The following CDH3 variants were observed in gnomAD, a reference collection of about 807,000 sequenced individuals.
CDH3 encodes the protein cadherin 3.
Under a neutral mutation model 82.0 loss-of-function variants are expected in CDH3, and 54 were observed. That is an observed-to-expected ratio of 0.66 (90% confidence interval 0.53 to 0.83). The LOEUF (loss-of-function observed/expected upper bound fraction) is 0.83, where lower values mean the gene tolerates loss of function less well. CDH3 is among the 40% of genes least tolerant of loss of function. CDH3 has a pLI of 0.00. For missense variants in CDH3, 1,054 were observed against 1,084.6 expected (o/e 0.97, Z 0.40); for synonymous variants, 446 against 437.9 (o/e 1.02, Z -0.23).
At position 68,680,013 on chromosome 16, in the gene CDH3, T is replaced by C. The variant is rs781377202; in HGVS notation, c.867+39T>C. 3 of 1,589,736 alleles carry C rather than the reference T, an allele frequency of 1.9e-6. No homozygotes were observed. The East Asian group carries it at 6.7e-5, about 36-fold the overall frequency. ...AGGGAAAGTACTGCCTACCCAGACT[T>C]GCCCAGGCTGGGAACTGACTCTGAG... On this transcript the variant is annotated intron_variant, in intron 7 of 15. Transcript: ENST00000264012.
At chr16:68,658,433 G>GT (rs1356030092) in intron 2 of CDH3, among the ~76,000 whole-genome samples, 1 of 152,146 alleles carries the variant, frequency 6.6e-6, no homozygotes, top group Non-Finnish European at 1.5e-5. Context: ...TAACTTCCCT[G>GT]TGCGTGCATG....
At chr16:68,662,544 C>CTTTTTTT (rs34173111) in intron 2 of CDH3, among the ~76,000 whole-genome samples, 1 of 94,030 alleles carries the variant, frequency 1.1e-5, no homozygotes, top group Non-Finnish European at 2.1e-5. Flanking sequence ...TGAAGCCAGC[C>CTTTTTTT]TTTTTTTTTT....
intron 2 of CDH3, among the ~76,000 whole-genome samples, chr16:68,664,548 A>G (rs1406076233): frequency 2.0e-5 from 3 of 152,188 alleles, no homozygotes; most frequent in Non-Finnish European, 4.4e-5. Flanking sequence ...TCTATCAGCT[A>G]TGTTTGGGAA....
rs1271250481 is a variant in CDH3, at chr16:68,645,368, C to G, written c.-12C>G. 3 of 1,612,844 alleles carry G rather than the reference C, an allele frequency of 1.9e-6. No homozygotes were observed. The highest frequency in any genetic ancestry group is 2.5e-6 in the Non-Finnish European group (3 of 1,179,510). Reference sequence around the variant, plus strand: ...CCGTCGCGGCAGCTGCTTCACCCCTCTCTCTGCAGCCATGGGGCTCCCTCG... The same window carrying G: ...CCGTCGCGGCAGCTGCTTCACCCCTGTCTCTGCAGCCATGGGGCTCCCTCG... On this transcript the variant is annotated 5_prime_UTR_variant, in exon 1 of 16. Transcript: ENST00000264012.
At chr16:68,711,316 A>T (rs1321434706) in intron 1 of CDH3, among the ~76,000 whole-genome samples, 1 of 152,074 alleles carries the variant, frequency 6.6e-6, no homozygotes, top group East Asian at 1.9e-4. Flanking sequence ...GCAGAGAGAG[A>T]GAGAGGGAGA....
chr16:68,694,628 A>G (rs912598164), intron 13 of CDH3, among the ~76,000 whole-genome samples: 2 of 151,942 alleles, frequency 1.3e-5, no homozygotes, highest in African/African-American at 2.4e-5. Context: ...GTCTCAAAAA[A>G]AAAAAAAAAA....
At chr16:68,656,461 C>T (rs1454931327) in intron 2 of CDH3, among the ~76,000 whole-genome samples, 1 of 152,172 alleles carries the variant, frequency 6.6e-6, no homozygotes, top group Non-Finnish European at 1.5e-5. Flanking sequence ...ACCCAGATAC[C>T]ACCTAATAGC....
chr16:68,728,055 A>G (rs565240316), downstream of CDH3, among the ~76,000 whole-genome samples: 1 of 152,336 alleles, frequency 6.6e-6, no homozygotes, highest in East Asian at 1.9e-4. Context: ...TTATAATGCA[A>G]TTATTGGCAT....
downstream of CDH3, among the ~76,000 whole-genome samples, chr16:68,728,816 C>G (rs201647681): frequency 1.3e-5 from 2 of 152,088 alleles, no homozygotes; most frequent in East Asian, 3.8e-4. Context: ...GCTTAGCATC[C>G]TGAAAGTGAA....
At chr16:68,670,146 C>T (rs1249315159) in intron 2 of CDH3, among the ~76,000 whole-genome samples, 1 of 147,046 alleles carries the variant, frequency 6.8e-6, no homozygotes, top group African/African-American at 2.5e-5. Flanking sequence ...ATGACGTGAA[C>T]CTAGAAGGCG....
At chr16:68,657,998 A>G (rs1960450392) in intron 2 of CDH3, among the ~76,000 whole-genome samples, 1 of 151,990 alleles carries the variant, frequency 6.6e-6, no homozygotes, top group Admixed American at 6.6e-5. Flanking sequence ...CATCTTTCTA[A>G]GAAGTCTCCT....
At chr16:68,711,909 C>T (rs1432520559) in intron 1 of CDH3, among the ~76,000 whole-genome samples, 2 of 152,062 alleles carry the variant, frequency 1.3e-5, no homozygotes, top group Admixed American at 1.3e-4. Context: ...GGAGGAGCAG[C>T]CAGTGCTCCC....
chr16:68,710,069 G>C (rs555721491), intron 1 of CDH3, among the ~76,000 whole-genome samples: 110 of 152,348 alleles, frequency 7.2e-4, no homozygotes, highest in African/African-American at 2.6e-3. Context: ...CTGTGTTCTG[G>C]ATTAGGTTGG....
At chr16:68,664,761 T>TGATCCTCCCACCTCAGCC (rs1960688969) in intron 2 of CDH3, among the ~76,000 whole-genome samples, 3 of 152,024 alleles carry the variant, frequency 2.0e-5, no homozygotes, top group African/African-American at 7.3e-5. Flanking sequence ...CAGGCTCAGG[T>TGATCCTCCCACCTCAGCC]GATCCTCCCA....
intron 2 of CDH3, among the ~76,000 whole-genome samples, chr16:68,726,831 G>C (rs1962224587): frequency 6.6e-6 from 1 of 152,052 alleles, no homozygotes; most frequent in African/African-American, 2.4e-5. Context: ...TGCCTGCCTT[G>C]GCCTCCCAAA....
intron 2 of CDH3, among the ~76,000 whole-genome samples, chr16:68,671,603 C>T (rs1335236870): frequency 6.9e-6 from 1 of 144,254 alleles, no homozygotes; most frequent in Non-Finnish European, 1.5e-5. Flanking sequence ...CTTACTGCAA[C>T]CTCTGTCTCC....
intron 11 of CDH3, among the ~76,000 whole-genome samples, chr16:68,686,227 C>A (rs957693168): frequency 6.6e-6 from 1 of 151,888 alleles, no homozygotes; most frequent in African/African-American, 2.4e-5. Flanking sequence ...GCCCTTGGGG[C>A]GAATTGCAGC....
At chr16:68,651,203 G>A (rs966540899) in intron 2 of CDH3, 3 of 515,054 alleles carry the variant, frequency 5.8e-6, no homozygotes, top group Non-Finnish European at 1.2e-5. Flanking sequence ...GCACCCTGCA[G>A]GTAGCCCATC....
intron 2 of CDH3, among the ~76,000 whole-genome samples, chr16:68,665,744 T>C (rs1960716791): frequency 6.6e-6 from 1 of 152,002 alleles, no homozygotes; most frequent in Non-Finnish European, 1.5e-5. Context: ...CGTTCCAAAC[T>C]CTCAGAGTGC....
Sources: allele counts gnomAD v4.1 joint callset (sites outside exome capture counted in the v4.1 genomes callset), GRCh38; gene constraint gnomAD v4.1.1; transcripts MANE v1.5; gene names NCBI Gene and HGNC (gene_info 2026-07-23, HGNC 2026-07-21).